The following WDPCP variants were observed in gnomAD, a reference collection of about 807,000 sequenced individuals.
WDPCP encodes the protein WD repeat-containing and planar cell polarity effector protein fritz homolog.
In WDPCP, 71 loss-of-function variants were observed where a neutral mutation model predicts 93.1. The observed-to-expected ratio is 0.76, with a 90% CI of 0.63 to 0.93. WDPCP has a LOEUF of 0.93. WDPCP is among the 40% of genes least tolerant of loss of function. The probability of loss-of-function intolerance (pLI) is 0.00; values close to 1 mark genes in which losing one functional copy is unlikely to be tolerated. For synonymous variants in WDPCP, 315 were observed against 315.0 expected (o/e 1.00, Z 0.00); for missense variants, 844 against 887.4 (o/e 0.95, Z 0.62).
intron 1 of WDPCP, chr2:63,571,604 T>C (rs1291421652): frequency 4.2e-6 from 2 of 471,074 alleles, no homozygotes; most frequent in African/African-American, 2.0e-5. Flanking sequence ...TTCTGTATTT[T>C]GTCCAGAATT....
intron 14 of WDPCP, among the ~76,000 whole-genome samples, chr2:63,217,580 C>G (rs1677459619): frequency 6.6e-6 from 1 of 152,066 alleles, no homozygotes; most frequent in Non-Finnish European, 1.5e-5. Context: ...ATTCTTGAGA[C>G]CAACAAATAA....
At chr2:63,362,455 ACCAAG>A (rs1690557206) in intron 12 of WDPCP, among the ~76,000 whole-genome samples, 1 of 151,986 alleles carries the variant, frequency 6.6e-6, no homozygotes, top group East Asian at 1.9e-4. Flanking sequence ...TACTGTAGTC[ACCAAG>A]ACTATGAATA....
intron 14 of WDPCP, among the ~76,000 whole-genome samples, chr2:63,201,994 T>C (rs1415749544): frequency 6.6e-5 from 10 of 152,056 alleles, no homozygotes; most frequent in Non-Finnish European, 1.3e-4. Flanking sequence ...ATTTAACTTC[T>C]ATAAATTCTA....
At chr2:63,684,347 G>T (rs1014907486) in intron 2 of WDPCP, 25 of 680,740 alleles carry the variant, frequency 3.7e-5, no homozygotes, top group African/African-American at 7.2e-5. Context: ...CGCTTGTCCT[G>T]GCTGGACACT....
intron 2 of WDPCP, among the ~76,000 whole-genome samples, chr2:63,732,049 G>A (rs1189211191): frequency 6.6e-6 from 1 of 152,136 alleles, no homozygotes; most frequent in African/African-American, 2.4e-5. Context: ...AGGAAAGAGG[G>A]GAGATAGTTA....
chr2:63,710,575 C>A (rs1403089950), intron 2 of WDPCP, among the ~76,000 whole-genome samples: 3 of 152,114 alleles, frequency 2.0e-5, no homozygotes, highest in South Asian at 4.1e-4. Context: ...ATTAATGGAC[C>A]AAGAGATCTC....
chr2:63,178,481 T>C (rs954214590), intron 14 of WDPCP, among the ~76,000 whole-genome samples: 1 of 152,172 alleles, frequency 6.6e-6, no homozygotes, highest in Non-Finnish European at 1.5e-5. Context: ...AGTTTTCCAG[T>C]TTGTTGGCAT....
At chr2:63,401,507 C>G (rs748631387) in intron 10 of WDPCP, among the ~76,000 whole-genome samples, 1 of 152,138 alleles carries the variant, frequency 6.6e-6, no homozygotes, top group Non-Finnish European at 1.5e-5. Context: ...GGTGCAGTGG[C>G]TCACACTTGT....
chr2:63,331,964 A>G (rs1184500173), intron 12 of WDPCP, among the ~76,000 whole-genome samples: 5 of 151,922 alleles, frequency 3.3e-5, no homozygotes, highest in African/African-American at 1.2e-4. Flanking sequence ...TTATACATTT[A>G]CCAACTGGTG....
intron 1 of WDPCP, among the ~76,000 whole-genome samples, chr2:63,501,171 A>C (rs766824228): frequency 3.9e-5 from 6 of 152,226 alleles, no homozygotes; most frequent in Non-Finnish European, 8.8e-5. Context: ...TAAGCAACTA[A>C]ATAGAAGCAA....
intron 2 of WDPCP, among the ~76,000 whole-genome samples, chr2:63,748,617 T>C (rs1669834342): frequency 6.6e-6 from 1 of 152,110 alleles, no homozygotes; most frequent in Non-Finnish European, 1.5e-5. Flanking sequence ...TGGGTATGTT[T>C]TTGGTAATAT....
At chr2:63,454,965 A>T (rs1455231645) in intron 6 of WDPCP, among the ~76,000 whole-genome samples, 2 of 152,314 alleles carry the variant, frequency 1.3e-5, no homozygotes, top group South Asian at 2.1e-4. Context: ...TACCCTTCAT[A>T]AATGAGAAAG....
chr2:63,287,825 G>T (rs950238376), intron 13 of WDPCP, among the ~76,000 whole-genome samples: 2 of 152,132 alleles, frequency 1.3e-5, no homozygotes, highest in East Asian at 1.9e-4. Context: ...CCAATTGGGA[G>T]AATTTAAACT....
intron 1 of WDPCP, among the ~76,000 whole-genome samples, chr2:63,535,135 C>G (rs571663590): frequency 5.3e-5 from 8 of 152,176 alleles, no homozygotes; most frequent in Non-Finnish European, 8.8e-5. Flanking sequence ...AATAAAATAC[C>G]TAGGAATCCA....
intron 2 of WDPCP, among the ~76,000 whole-genome samples, chr2:63,732,315 C>T (rs2103826972): frequency 6.6e-6 from 1 of 152,282 alleles, no homozygotes; most frequent in South Asian, 2.1e-4. Context: ...TAGGCTTATG[C>T]CCCAAGATGG....
intron 6 of WDPCP, among the ~76,000 whole-genome samples, chr2:63,451,080 G>A (rs374799714): frequency 1.3e-5 from 2 of 151,748 alleles, no homozygotes; most frequent in South Asian, 4.1e-4. Context: ...AGAGAATCCT[G>A]AAAAATAATA....
Position 63,746,242 on chromosome 2 carries a change from A to G in WDPCP, n.308+67380T>C, listed in dbSNP as rs557140528. ...ATTCAGGGCATTTATCACTTCCCCA[A>G]TCAATACTCTTGTGATTTCCCATGC... On this transcript the variant is annotated intron_variant and non_coding_transcript_variant, in intron 2 of 4. Coordinates refer to the WDPCP transcript ENST00000467687. Among the ~76,000 whole-genome samples the G allele has an allele frequency of 2.0e-5, 3 of 152,290 alleles. No homozygotes were observed. The South Asian group carries it at 6.2e-4, about 32-fold the overall frequency.
chr2:63,187,727 C>T (rs1474788679), intron 14 of WDPCP, among the ~76,000 whole-genome samples: 1 of 152,032 alleles, frequency 6.6e-6, no homozygotes, highest in Non-Finnish European at 1.5e-5. Flanking sequence ...CTTGTATATA[C>T]AAGAATTAAA....
intron 10 of WDPCP, among the ~76,000 whole-genome samples, chr2:63,386,885 C>T (rs1692776220): frequency 6.6e-6 from 1 of 151,812 alleles, no homozygotes. Flanking sequence ...GCTAGAAAAC[C>T]TAGAAGATAT....
Sources: gnomAD v4.1 joint callset for allele counts (sites outside exome capture counted in the v4.1 genomes callset) on GRCh38, gnomAD v4.1.1 for gene constraint, MANE v1.5 for transcripts, NCBI Gene and HGNC (gene_info 2026-07-23, HGNC 2026-07-21) for gene names.